The following PTPRM variants were observed in gnomAD, a reference collection of about 807,000 sequenced individuals.
PTPRM encodes the protein receptor-type tyrosine-protein phosphatase mu.
Under a neutral mutation model 186.7 loss-of-function variants are expected in PTPRM, and 47 were observed. The ratio of observed to expected loss-of-function variants is 0.25; its 90% CI spans 0.20 to 0.32. PTPRM has a LOEUF of 0.32. Ranked by LOEUF, PTPRM falls within the 10% of genes least tolerant of loss-of-function variation. The pLI is 1.00. For missense variants in PTPRM, 1,494 were observed against 1,865.0 expected (o/e 0.80, Z 3.66); for synonymous variants, 668 against 674.9 (o/e 0.99, Z 0.16).
intron 22 of PTPRM, among the ~76,000 whole-genome samples, chr18:8,341,958 A>T (rs971361853): frequency 2.0e-5 from 3 of 152,172 alleles, no homozygotes; most frequent in African/African-American, 7.2e-5. Context: ...GCTTTGTGGG[A>T]GGCAGAGTGC....
intron 2 of PTPRM, among the ~76,000 whole-genome samples, chr18:7,819,306 G>T (rs1283611371): frequency 1.9e-5 from 1 of 51,320 alleles, no homozygotes; most frequent in Non-Finnish European, 5.4e-5. Flanking sequence ...AAAACTATGA[G>T]ACCCTAGCAG....
At chr18:8,123,166 A>T (rs755358063) in intron 13 of PTPRM, among the ~76,000 whole-genome samples, 2 of 152,218 alleles carry the variant, frequency 1.3e-5, no homozygotes, top group African/African-American at 2.4e-5. Flanking sequence ...AGCAAAGGCA[A>T]GTCATTGTCA....
intron 2 of PTPRM, among the ~76,000 whole-genome samples, chr18:7,785,148 A>G (rs899692410): frequency 1.7e-4 from 26 of 152,206 alleles, no homozygotes; most frequent in African/African-American, 5.8e-4. Flanking sequence ...AGAGGTCCAG[A>G]CATAGGCGAT....
At chr18:8,327,984 G>A (rs1227257936) in intron 22 of PTPRM, among the ~76,000 whole-genome samples, 1 of 152,148 alleles carries the variant, frequency 6.6e-6, no homozygotes, top group Non-Finnish European at 1.5e-5. Flanking sequence ...ATAAAAATGT[G>A]GGGAGTGAAG....
chr18:7,723,230 C>T (rs1366223035), intron 1 of PTPRM, among the ~76,000 whole-genome samples: 1 of 152,116 alleles, frequency 6.6e-6, no homozygotes, highest in African/African-American at 2.4e-5. Flanking sequence ...CAGCCCATTC[C>T]CAGCGCTGCT....
intron 13 of PTPRM, among the ~76,000 whole-genome samples, chr18:8,127,418 G>GGT (rs71354600): frequency 1.5e-5 from 2 of 133,830 alleles, no homozygotes; most frequent in Admixed American, 7.6e-5. Flanking sequence ...CAGCTGTATT[G>GGT]TTTTTTTTTT....
rs368926257 is a variant in PTPRM, at chr18:8,387,151, G to T, written c.4124G>T (p.Arg1375Leu). 8.1e-6 allele frequency: 13 copies of T among 1,612,660 alleles called. No individual in the cohort carries two copies. Among genetic ancestry groups the T allele is most frequent in the Non-Finnish European group, 7.6e-6 (9 of 1,178,662 alleles). ...PMYRDTPVSK[R>L]SFLKLIRQVD... ...TACAGGGACACACCAGTGTCTAAGC[G>T]CTCCTTCTTGAAGCTCATTCGCCAG... is the stretch of plus-strand genomic sequence containing the variant. Residue 1375 changes from arginine to leucine, a missense_variant, in exon 31 of 33, where the codon CGC becomes CTC. Physicochemically the swap from Arg to Leu is moderately radical, Grantham distance 102. This residue lies in a region of PTPRM where 1,107 missense variants were observed against 1,350.2 expected (regional missense o/e 0.82). Transcript: ENST00000580170.
chr18:8,011,218 G>C (rs2084506663), intron 7 of PTPRM, among the ~76,000 whole-genome samples: 1 of 152,162 alleles, frequency 6.6e-6, no homozygotes. Flanking sequence ...GAGTAGATAA[G>C]GTATACTCAG....
At chr18:7,808,834 A>G (rs1306586484) in intron 2 of PTPRM, among the ~76,000 whole-genome samples, 1 of 152,232 alleles carries the variant, frequency 6.6e-6, no homozygotes, top group East Asian at 1.9e-4. Flanking sequence ...AGTTTCCTTC[A>G]ATGTGTGACT....
intron 14 of PTPRM, among the ~76,000 whole-genome samples, chr18:8,211,443 G>T (rs2146964125): frequency 7.3e-6 from 1 of 136,584 alleles, no homozygotes; most frequent in East Asian, 2.1e-4. Flanking sequence ...CGCCCAGGCT[G>T]GAGTGTGTGG....
chr18:7,645,380 T>C (rs1049777935), intron 1 of PTPRM, among the ~76,000 whole-genome samples: 4 of 152,194 alleles, frequency 2.6e-5, no homozygotes, highest in African/African-American at 9.6e-5. Flanking sequence ...TCCTTAGTGT[T>C]TAGAAATGAA....
chr18:7,797,775 C>T (rs1354656681), intron 2 of PTPRM, among the ~76,000 whole-genome samples: 2 of 152,204 alleles, frequency 1.3e-5, no homozygotes, highest in African/African-American at 4.8e-5. Flanking sequence ...GCCTGGATGA[C>T]ACCTGCAGTG....
chr18:7,689,414 A>G (rs2039684807), intron 1 of PTPRM, among the ~76,000 whole-genome samples: 2 of 152,184 alleles, frequency 1.3e-5, no homozygotes, highest in Admixed American at 1.3e-4. Flanking sequence ...GGCCCACCCC[A>G]TGTCTCTTTG....
At chr18:7,608,686 T>A (rs1379231567) in intron 1 of PTPRM, among the ~76,000 whole-genome samples, 2 of 152,162 alleles carry the variant, frequency 1.3e-5, no homozygotes, top group African/African-American at 4.8e-5. Flanking sequence ...AAGGGCCTGC[T>A]CCCATTCTTG....
chr18:8,404,977 A>G (rs1007109136), intron 32 of PTPRM: 1 of 152,204 alleles, frequency 6.6e-6, no homozygotes, highest in African/African-American at 2.4e-5. Flanking sequence ...GCCAAGGTAC[A>G]CGATCCAGGA....
At chr18:8,168,285 A>T (rs534157873) in intron 14 of PTPRM, among the ~76,000 whole-genome samples, 9 of 152,330 alleles carry the variant, frequency 5.9e-5, no homozygotes, top group Non-Finnish European at 1.2e-4. Flanking sequence ...ATACCAAACC[A>T]TTTGGTTTTC....
chr18:8,328,152 T>A (rs1368649888), intron 22 of PTPRM, among the ~76,000 whole-genome samples: 2 of 152,184 alleles, frequency 1.3e-5, no homozygotes, highest in African/African-American at 2.4e-5. Flanking sequence ...AAAAGATAAA[T>A]ATGGTTTATA....
At chr18:8,348,111 G>T (rs1332732644) in intron 23 of PTPRM, among the ~76,000 whole-genome samples, 1 of 152,244 alleles carries the variant, frequency 6.6e-6, no homozygotes, top group Non-Finnish European at 1.5e-5. Flanking sequence ...AAATCAAAAT[G>T]ACATGGTTTT....
chr18:8,372,053 A>ATTTTTTTTTTTTTTTT (rs2095665582), intron 24 of PTPRM, among the ~76,000 whole-genome samples: 4 of 68,512 alleles, frequency 5.8e-5, no homozygotes, highest in Admixed American at 1.5e-4. Context: ...TCCACTCTAT[A>ATTTTTTTTTTTTTTTT]TTCTTTTTTT....
Sources: allele counts gnomAD v4.1 joint callset (sites outside exome capture counted in the v4.1 genomes callset), GRCh38; gene constraint gnomAD v4.1.1; regional missense constraint gnomAD v4.1.1; transcripts MANE v1.5; gene names NCBI Gene and HGNC (gene_info 2026-07-23, HGNC 2026-07-21).